The following CYTIP variants were observed in gnomAD, a reference collection of about 807,000 sequenced individuals.
CYTIP encodes the protein cytohesin 1 interacting protein, also known as cytohesin-interacting protein.
In CYTIP, 26 loss-of-function variants were observed where a neutral mutation model predicts 43.8. The observed-to-expected ratio is 0.59, with a 90% CI of 0.44 to 0.82. CYTIP has a LOEUF of 0.82. CYTIP is among the 40% of genes least tolerant of loss of function. The pLI is 0.00. For synonymous variants in CYTIP, 162 were observed against 162.9 expected (o/e 0.99, Z 0.04); for missense variants, 426 against 443.1 (o/e 0.96, Z 0.35).
chr2:157,417,945 A>T (rs1685462489), intron 7 of CYTIP, among the ~76,000 whole-genome samples: 2 of 152,238 alleles, frequency 1.3e-5, no homozygotes, highest in South Asian at 4.1e-4. Context: ...TACAACAAAT[A>T]GCGAATTAAC....
intron 3 of CYTIP, chr2:157,434,156 G>A (rs2105142935): frequency 1.7e-6 from 1 of 593,892 alleles, no homozygotes; most frequent in East Asian, 2.9e-5. Context: ...AAACTGCTGA[G>A]CATATCGCAG....
rs140712913 is a variant in CYTIP, at chr2:157,429,584, G to T, written c.476+975C>A. ...CTCTCCTGAGCCTATCACAGAGCTG[G>T]AAACATAGTATTTGCTCAATAAATA... On this transcript the variant is annotated intron_variant, in intron 5 of 7. Transcript: ENST00000264192. Among the ~76,000 whole-genome samples, 390 of 152,278 alleles carry T rather than the reference G, an allele frequency of 2.6e-3. 3 individuals carry two copies. The Middle Eastern group carries it at 0.027, about 11-fold the overall frequency.
chr2:157,438,064 A>G (rs886803335), intron 1 of CYTIP, among the ~76,000 whole-genome samples: 1 of 152,220 alleles, frequency 6.6e-6, no homozygotes, highest in Non-Finnish European at 1.5e-5. Context: ...TCGAAGAGAC[A>G]TCTGCACTCC....
At chr2:157,434,093 C>A (rs1241135604) in intron 3 of CYTIP, 2 of 479,894 alleles carry the variant, frequency 4.2e-6, no homozygotes, top group Admixed American at 7.8e-5. Flanking sequence ...CTAGCTGATA[C>A]CAACCTAGCT....
chr2:157,430,465 G>A, intron 5 of CYTIP, 94 bp downstream of exon 5: 1 of 1,072,372 alleles, frequency 9.3e-7, no homozygotes, highest in Non-Finnish European at 1.4e-6. Flanking sequence ...ACTCCGTCTT[G>A]TAATGCTGAA....
rs776424320 is a variant in CYTIP, at chr2:157,444,005, G to T, written c.16C>A (p.Leu6Ile). 2.5e-6 allele frequency: 4 copies of T among 1,613,920 alleles called. No individual in the cohort carries two copies. Among genetic ancestry groups the T allele is most frequent in the Non-Finnish European group, 2.5e-6 (3 of 1,179,884 alleles). Reference sequence around the variant, plus strand: ...TTGCCATTGCTGCTGTGTTGCAGGAGCCTTTGTAAAGACATTGTGAATAAA... The same window carrying T: ...TTGCCATTGCTGCTGTGTTGCAGGATCCTTTGTAAAGACATTGTGAATAAA... The part of the protein sequence containing the change: MSLQR[L>I]LQHSSNGNLA... The change falls in exon 1 of 8, where the codon CTC becomes ATC. Residue 6 changes from leucine to isoleucine, a missense_variant. By Grantham distance (5) the Leu-to-Ile change is conservative. Coordinates refer to ENST00000264192, the MANE Select transcript of CYTIP (RefSeq NM_004288.5).
At chr2:157,433,225 T>C (rs530872117) in intron 3 of CYTIP, among the ~76,000 whole-genome samples, 1 of 152,310 alleles carries the variant, frequency 6.6e-6, no homozygotes, top group African/African-American at 2.4e-5. Flanking sequence ...GTAGTTCATA[T>C]GACCGGGGAG....
chr2:157,420,751 C>T (rs930348008), intron 6 of CYTIP, among the ~76,000 whole-genome samples: 11 of 150,128 alleles, frequency 7.3e-5, no homozygotes, highest in East Asian at 4.0e-4. Context: ...AAATTAGGGA[C>T]GTAGGGAGTA....
At position 157,434,353 on chromosome 2, in the gene CYTIP, A is replaced by C; in HGVS notation, c.279+17T>G. ...ACTTTCTTCCTTGGAAGTCTAGAAA[A>C]TGTGAAAATTGCCCACCTGAATTTC... is the stretch of plus-strand genomic sequence containing the variant. On this transcript the variant is annotated intron_variant, in intron 3 of 7. Transcript: ENST00000264192. 1.2e-6 allele frequency: 2 copies of C among 1,605,004 alleles called. No homozygotes were observed. The highest frequency in any genetic ancestry group is 1.7e-6 in the Non-Finnish European group (2 of 1,171,858).
chr2:157,442,472 CAAAAA>C (rs35681381), intron 1 of CYTIP, among the ~76,000 whole-genome samples: 2 of 136,190 alleles, frequency 1.5e-5, no homozygotes, highest in Admixed American at 7.3e-5. Context: ...CAGTCTCCAG[CAAAAA>C]AAAAAAAAAA....
intron 1 of CYTIP, among the ~76,000 whole-genome samples, chr2:157,436,114 A>C (rs1685804307): frequency 1.3e-5 from 2 of 152,166 alleles, no homozygotes; most frequent in Admixed American, 1.3e-4. Flanking sequence ...CTGGGCTTCA[A>C]CTCACTTATA....
At chr2:157,429,896 G>A (rs1207251088) in intron 5 of CYTIP, among the ~76,000 whole-genome samples, 4 of 151,912 alleles carry the variant, frequency 2.6e-5, no homozygotes, top group African/African-American at 7.3e-5. Flanking sequence ...GGTGGTGGGC[G>A]CCTGTAGTCC....
chr2:157,425,400 A>T (rs1483332663), intron 6 of CYTIP, among the ~76,000 whole-genome samples: 1 of 152,174 alleles, frequency 6.6e-6, no homozygotes, highest in African/African-American at 2.4e-5. Context: ...TTTCTTCACT[A>T]CCAGCTATAG....
chr2:157,427,276 C>T, intron 6 of CYTIP, 75 bp downstream of exon 6: 1 of 1,278,898 alleles, frequency 7.8e-7, no homozygotes, highest in Admixed American at 2.3e-5. Context: ...ATCTCAGTTC[C>T]TCAAATAGAT....
At chr2:157,419,487 G>A (rs1685486608) in intron 6 of CYTIP, among the ~76,000 whole-genome samples, 1 of 152,218 alleles carries the variant, frequency 6.6e-6, no homozygotes, top group Admixed American at 6.5e-5. Context: ...CAGCACACAA[G>A]TCTTGGCCTA....
At chr2:157,422,122 G>A (rs16826008) in intron 6 of CYTIP, among the ~76,000 whole-genome samples, 14,250 of 152,104 alleles carry the variant, frequency 0.094, 1,588 homozygotes, top group African/African-American at 0.26. Context: ...ACACAGCCTC[G>A]TGACCTGAGC....
Position 157,443,879 on chromosome 2 carries a change from T to C in CYTIP, c.142A>G (p.Thr48Ala). The C allele has an allele frequency of 6.2e-7, 1 of 1,614,126 alleles. No individual in the cohort carries two copies. Among genetic ancestry groups the C allele is most frequent in the Non-Finnish European group, 8.5e-7 (1 of 1,179,976 alleles). The change falls in exon 1 of 8, where the codon ACG becomes GCG. Residue 48 changes from threonine to alanine, a missense_variant. Physicochemically the swap from Thr to Ala is moderately conservative, Grantham distance 58 (BLOSUM62 0). Transcript: ENST00000264192. ...CGTCCCCGAGGCAGAGTAGCCACCG[T>C]GTCTGCTAGCATTTGAATCCTTCTA... ...DNRRIQMLAD[T>A]VATLPRGRKQ...
At chr2:157,439,136 GGACT>G (rs1356343139) in intron 1 of CYTIP, 7 of 161,448 alleles carry the variant, frequency 4.3e-5, no homozygotes, top group African/African-American at 9.6e-5. Flanking sequence ...CAGTTCCTGT[GGACT>G]GACTAATTTG....
intron 6 of CYTIP, among the ~76,000 whole-genome samples, chr2:157,422,347 G>C (rs1459329790): frequency 6.6e-6 from 1 of 152,158 alleles, no homozygotes; most frequent in Admixed American, 6.5e-5. Context: ...TTTGTGCATA[G>C]ATTGTCTCTA....
Sources: allele counts gnomAD v4.1 joint callset (sites outside exome capture counted in the v4.1 genomes callset), GRCh38; gene constraint gnomAD v4.1.1; transcripts MANE v1.5; gene names NCBI Gene and HGNC (gene_info 2026-07-23, HGNC 2026-07-21).